The following FGF12 variants were observed in gnomAD, a reference collection of about 807,000 sequenced individuals.
The protein encoded by FGF12 is fibroblast growth factor 12, also known as fibroblast growth factor 12B.
FGF12 carries 14 observed loss-of-function variants against 23.6 expected under a neutral mutation model. The ratio of observed to expected loss-of-function variants is 0.59; its 90% CI spans 0.39 to 0.93. The LOEUF (loss-of-function observed/expected upper bound fraction) is 0.93, where lower values mean the gene tolerates loss of function less well. Ranked by LOEUF, FGF12 falls within the 40% of genes least tolerant of loss-of-function variation. The probability of loss-of-function intolerance (pLI) is 0.00; values close to 1 mark genes in which losing one functional copy is unlikely to be tolerated. For missense variants in FGF12, 175 were observed against 217.8 expected (o/e 0.80, Z 1.24); for synonymous variants, 62 against 77.3 (o/e 0.80, Z 1.04).
At chr3:192,454,601 A>G (rs1722624121) in intron 2 of FGF12, among the ~76,000 whole-genome samples, 1 of 152,244 alleles carries the variant, frequency 6.6e-6, no homozygotes, top group Non-Finnish European at 1.5e-5. Context: ...GTAGTCTGAT[A>G]AACATGGTGC....
intron 2 of FGF12, among the ~76,000 whole-genome samples, chr3:192,541,647 T>C (rs1378271047): frequency 6.6e-6 from 1 of 152,172 alleles, no homozygotes; most frequent in Non-Finnish European, 1.5e-5. Context: ...TGATTTTTTT[T>C]GCTCACTTAC....
intron 4 of FGF12, among the ~76,000 whole-genome samples, chr3:192,262,646 T>C (rs765789786): frequency 2.6e-5 from 4 of 152,116 alleles, no homozygotes; most frequent in Non-Finnish European, 2.9e-5. Flanking sequence ...CCAGAGTCTA[T>C]ACCATTCAGC....
intron 5 of FGF12, among the ~76,000 whole-genome samples, chr3:192,161,710 G>A (rs1433790294): frequency 6.6e-6 from 1 of 152,110 alleles, no homozygotes; most frequent in East Asian, 1.9e-4. Context: ...CAAGGATTTA[G>A]TGGCTATTAA....
At chr3:192,301,203 G>C (rs79780082) in intron 4 of FGF12, among the ~76,000 whole-genome samples, 14,479 of 152,158 alleles carry the variant, frequency 0.095, 912 homozygotes, top group South Asian at 0.18. Context: ...ATCTGGAAGG[G>C]GATGGGTTAA....
rs150034957 is a variant in FGF12 at position 192,268,841 on chromosome 3, T to G, written c.228+66520A>C. 449 of 167,952 alleles carry G rather than the reference T, an allele frequency of 2.7e-3. 3 individuals are homozygous for G. Among genetic ancestry groups the G allele is most frequent in the African/African-American group, 0.01 (429 of 41,792 alleles). 10.4% of individuals were successfully genotyped at this position (167,952 alleles called of 1,614,324 possible). On this transcript the variant is annotated intron_variant, in intron 4 of 5. Transcript: ENST00000445105. ...AGAATAATCTAATACAATAGCCTAC[T>G]TTAATAAAGTTTGAACTTTGTATGC...
At chr3:192,406,053 C>T (rs1189854328) in intron 2 of FGF12, among the ~76,000 whole-genome samples, 2 of 152,070 alleles carry the variant, frequency 1.3e-5, no homozygotes, top group African/African-American at 4.8e-5. Context: ...ATAAGATGAA[C>T]ACTGTGTAGA....
intron 2 of FGF12, among the ~76,000 whole-genome samples, chr3:192,431,141 G>A (rs981386022): frequency 6.6e-6 from 1 of 152,124 alleles, no homozygotes; most frequent in Admixed American, 6.5e-5. Context: ...TCTGAATGGA[G>A]AAATTACTTG....
intron 2 of FGF12, among the ~76,000 whole-genome samples, chr3:192,588,497 A>T (rs1713485529): frequency 6.6e-6 from 1 of 151,776 alleles, no homozygotes; most frequent in African/African-American, 2.4e-5. Context: ...GCATCTGGAT[A>T]AAAAAATTAA....
chr3:192,529,923 G>A (rs4312608), intron 2 of FGF12, among the ~76,000 whole-genome samples: 97,655 of 151,898 alleles, frequency 0.64, 32,055 homozygotes, highest in East Asian at 0.86. Flanking sequence ...AACCATATCA[G>A]TGAGGTGCAT....
At chr3:192,334,263 T>C (rs1717277579) in intron 4 of FGF12, among the ~76,000 whole-genome samples, 1 of 152,092 alleles carries the variant, frequency 6.6e-6, no homozygotes, top group South Asian at 2.1e-4. Context: ...CTGTGCAGCA[T>C]GTAAAAACAC....
chr3:192,286,139 G>A (rs1302794130), intron 4 of FGF12, among the ~76,000 whole-genome samples: 5 of 151,948 alleles, frequency 3.3e-5, no homozygotes, highest in Non-Finnish European at 7.4e-5. Flanking sequence ...GCTACAATAT[G>A]AACTTTAAAA....
chr3:192,241,323 G>C (rs954004437), intron 4 of FGF12, among the ~76,000 whole-genome samples: 2 of 152,024 alleles, frequency 1.3e-5, no homozygotes, highest in Non-Finnish European at 2.9e-5. Flanking sequence ...TGATAAGTAT[G>C]GTAATTTTCT....
chr3:192,563,386 T>C (rs904032466), intron 2 of FGF12, among the ~76,000 whole-genome samples: 1 of 152,134 alleles, frequency 6.6e-6, no homozygotes, highest in Non-Finnish European at 1.5e-5. Flanking sequence ...ACTCACACAT[T>C]CACCACTTGC....
chr3:192,308,176 G>A (rs1037306240), intron 4 of FGF12, among the ~76,000 whole-genome samples: 1 of 152,014 alleles, frequency 6.6e-6, no homozygotes, highest in South Asian at 2.1e-4. Context: ...ACTCTCCAAC[G>A]ATATTCACGT....
At chr3:192,596,443 C>G (rs2108627099) in intron 2 of FGF12, among the ~76,000 whole-genome samples, 1 of 152,152 alleles carries the variant, frequency 6.6e-6, no homozygotes, top group South Asian at 2.1e-4. Context: ...GTTTCCTAAG[C>G]TTTTCATATT....
At chr3:192,699,111 AG>A (rs1214148299) in intron 2 of FGF12, among the ~76,000 whole-genome samples, 2 of 152,156 alleles carry the variant, frequency 1.3e-5, no homozygotes, top group African/African-American at 4.8e-5. Context: ...ACCCATTTGC[AG>A]CTTTCAGTTT....
chr3:192,624,617 T>C (rs1401042487), intron 2 of FGF12, among the ~76,000 whole-genome samples: 3 of 152,174 alleles, frequency 2.0e-5, no homozygotes, highest in Non-Finnish European at 2.9e-5. Context: ...TTTTCATCAG[T>C]ATTATAAAAT....
Position 192,143,746 on chromosome 3 carries a change from G to A in FGF12, c.*263C>T, listed in dbSNP as rs577150728. On this transcript the variant is annotated 3_prime_UTR_variant, in exon 6 of 6. Coordinates refer to ENST00000445105, the MANE Select transcript of FGF12 (RefSeq NM_004113.6). The stretch of plus-strand genomic sequence containing the variant: ...AATACAGTTTAATTTAATATTTATG[G>A]AGTTCTGATTTATTTTTTCCTTTGC... The A allele has an allele frequency of 6.1e-4, 221 of 363,300 alleles. No individual in the cohort carries two copies. Among genetic ancestry groups the A allele is most frequent in the Non-Finnish European group, 8.6e-4 (174 of 202,230 alleles). The allele number at this position is 363,300 out of a possible 1,614,324, so 22.5% of individuals were successfully genotyped here.
At chr3:192,332,210 A>G (rs1283196728) in intron 4 of FGF12, among the ~76,000 whole-genome samples, 1 of 152,118 alleles carries the variant, frequency 6.6e-6, no homozygotes, top group Non-Finnish European at 1.5e-5. Flanking sequence ...AAAACACTGT[A>G]ACCTCCATAA....
Sources: gnomAD v4.1 joint callset for allele counts (sites outside exome capture counted in the v4.1 genomes callset) on GRCh38, gnomAD v4.1.1 for gene constraint, MANE v1.5 for transcripts, NCBI Gene and HGNC (gene_info 2026-07-23, HGNC 2026-07-21) for gene names.